TRAP1: variants seen among roughly 807,000 people sequenced by gnomAD.
The protein encoded by TRAP1 is TNF receptor associated protein 1, also known as heat shock protein 75 kDa, mitochondrial.
A neutral mutation model predicts 89.1 loss-of-function variants in TRAP1; 102 were observed. The observed-to-expected ratio is 1.15, with a 90% CI of 0.98 to 1.35. TRAP1 has a LOEUF of 1.35. TRAP1 is among the 40% of genes most tolerant of loss of function. TRAP1 has a pLI of 0.00. For synonymous variants in TRAP1, 508 were observed against 388.0 expected (o/e 1.31, Z -3.64); for missense variants, 1,256 against 945.3 (o/e 1.33, Z -4.31).
chr16:3,669,620 G>T (rs2050883593), intron 11 of TRAP1, among the ~76,000 whole-genome samples: 1 of 151,898 alleles, frequency 6.6e-6, no homozygotes, highest in African/African-American at 2.4e-5. Flanking sequence ...AGATCACAAG[G>T]TCAGGAGATC....
chr16:3,674,742 AG>A (rs34009886), intron 8 of TRAP1: 1 of 545,934 alleles, frequency 1.8e-6, no homozygotes, highest in Non-Finnish European at 3.3e-6. Context: ...CCGGGACCTG[AG>A]GGGGCCTGTG....
At chr16:3,662,244 C>T in intron 15 of TRAP1, 112 bp from the exon 16 acceptor site, 1 of 1,325,590 alleles carries the variant, frequency 7.5e-7, no homozygotes, top group Non-Finnish European at 1.0e-6. Flanking sequence ...GGCGGGGTCT[C>T]AAGGACTCCC....
At chr16:3,678,795 T>C (rs184431332) in intron 5 of TRAP1, among the ~76,000 whole-genome samples, 1 of 152,312 alleles carries the variant, frequency 6.6e-6, no homozygotes, top group African/African-American at 2.4e-5. Context: ...GAGACTGAAG[T>C]AAGTGCTTTG....
At chr16:3,679,238 C>T (rs1204451411) in intron 5 of TRAP1, among the ~76,000 whole-genome samples, 1 of 151,852 alleles carries the variant, frequency 6.6e-6, no homozygotes, top group Non-Finnish European at 1.5e-5. Flanking sequence ...TGCAGTGAGC[C>T]AATACAGTTG....
At position 3,658,859 on chromosome 16, in the gene TRAP1, C is replaced by A. The variant is rs778200463; in HGVS notation, c.1947G>T (p.Ala649=). The part of the protein sequence containing the change: ...QPTLEINPRH[A]LIKKLNQLRA... ...GCAGCTGATTCAGCTTCTTGATGAG[C>A]GCGTGCCTGCAACACAGAACCCACC... Residue 649 remains alanine, a synonymous_variant, in exon 17 of 18, where the codon GCG becomes GCT. Transcript: ENST00000246957. 1 of 1,613,984 alleles carries A rather than the reference C, an allele frequency of 6.2e-7. No individual in the cohort carries two copies. The highest frequency in any genetic ancestry group is 1.1e-5 in the South Asian group (1 of 91,082).
chr16:3,713,990 T>G (rs945113016), intron 1 of TRAP1, among the ~76,000 whole-genome samples: 15 of 152,228 alleles, frequency 9.9e-5, no homozygotes, highest in African/African-American at 3.4e-4. Context: ...CCATCACTCC[T>G]GCACACTCCC....
At chr16:3,677,897 T>C in intron 5 of TRAP1, 1 of 499,196 alleles carries the variant, frequency 2.0e-6, no homozygotes, top group Non-Finnish European at 3.6e-6. Context: ...TTCCCAAAGC[T>C]CACAGTCCTG....
intron 15 of TRAP1, chr16:3,662,398 C>T (rs71388533): frequency 3.5e-6 from 2 of 576,956 alleles, no homozygotes; most frequent in South Asian, 4.1e-5. Flanking sequence ...CCATCGTCCT[C>T]TGCTCCATGC....
intron 1 of TRAP1, among the ~76,000 whole-genome samples, chr16:3,703,802 T>C (rs1596749102): frequency 6.7e-6 from 1 of 148,718 alleles, no homozygotes; most frequent in Non-Finnish European, 1.5e-5. Context: ...GATCACGAGG[T>C]CAGGAGATCA....
At chr16:3,685,582 C>A (rs1191965404) in intron 4 of TRAP1, among the ~76,000 whole-genome samples, 1 of 152,168 alleles carries the variant, frequency 6.6e-6, no homozygotes, top group East Asian at 1.9e-4. Context: ...TTTGGCCTAA[C>A]TTTTCAGCCT....
At position 3,713,773 on chromosome 16, in the gene TRAP1, A is replaced by G. The variant is rs116808998; in HGVS notation, c.88+3648T>C. Among the ~76,000 whole-genome samples, 1,067 of 152,282 alleles carry G rather than the reference A, an allele frequency of 7.0e-3. 14 individuals are homozygous for G. The highest frequency in any genetic ancestry group is 0.025 in the African/African-American group (1,032 of 41,548). On this transcript the variant is annotated intron_variant, in intron 1 of 17. Coordinates refer to ENST00000246957, the MANE Select transcript of TRAP1 (RefSeq NM_016292.3). ...TCTTTCCAGGTCTTCCCTCTCCTTTAGGAGGCGGCCTCATCCTTCTACTGG... is the reference window on the plus strand; with the variant it reads ...TCTTTCCAGGTCTTCCCTCTCCTTTGGGAGGCGGCCTCATCCTTCTACTGG...
At chr16:3,708,821 T>TC (rs1477958915) in intron 1 of TRAP1, among the ~76,000 whole-genome samples, 1 of 148,538 alleles carries the variant, frequency 6.7e-6, no homozygotes. Flanking sequence ...GTCTCAATTT[T>TC]TTTTTTTTTT....
intron 1 of TRAP1, among the ~76,000 whole-genome samples, chr16:3,705,942 C>T (rs1452747614): frequency 3.3e-5 from 5 of 151,118 alleles, no homozygotes; most frequent in Non-Finnish European, 5.9e-5. Context: ...ATCGGCCCAC[C>T]TCGGCCTCCC....
chr16:3,675,778 T>A (rs925780437), intron 7 of TRAP1, among the ~76,000 whole-genome samples: 1 of 152,160 alleles, frequency 6.6e-6, no homozygotes, highest in African/African-American at 2.4e-5. Context: ...CCAGGTGCAC[T>A]AAAGGCCAAG....
At chr16:3,666,152 C>T in intron 11 of TRAP1, 34 bp from the exon 12 acceptor site, 1 of 1,593,380 alleles carries the variant, frequency 6.3e-7, no homozygotes. Flanking sequence ...TACATACAAG[C>T]AGCCTCTATG....
At chr16:3,684,514 G>A (rs976721041) in intron 4 of TRAP1, among the ~76,000 whole-genome samples, 9 of 152,188 alleles carry the variant, frequency 5.9e-5, no homozygotes, top group African/African-American at 1.9e-4. Context: ...TAAATGGGCT[G>A]GGTATGGTGG....
intron 1 of TRAP1, among the ~76,000 whole-genome samples, chr16:3,701,906 T>C (rs1363034764): frequency 6.6e-6 from 1 of 152,074 alleles, no homozygotes; most frequent in East Asian, 1.9e-4. Flanking sequence ...AAAACAGATA[T>C]TAAATTATTA....
At position 3,675,238 on chromosome 16, in the gene TRAP1, C is replaced by T. The variant is rs1156444244; in HGVS notation, c.888+86G>A. ...TCGCCCTGTGACTCTGGGCCGCATC[C>T]CCTGGGCTCATCTCTTCTCCGCTGC... On this transcript the variant is annotated intron_variant, in intron 8 of 17. Transcript: ENST00000246957. 8.1e-6 allele frequency: 11 copies of T among 1,362,828 alleles called. No homozygotes were observed. In the South Asian group the frequency reaches 9.7e-5, roughly 12 times the overall value. The allele number at this position is 1,362,828 out of a possible 1,614,324, so 84.4% of individuals were successfully genotyped here.
At chr16:3,717,217 G>A (rs2051609233) in intron 1 of TRAP1, among the ~76,000 whole-genome samples, 1 of 152,246 alleles carries the variant, frequency 6.6e-6, no homozygotes, top group Non-Finnish European at 1.5e-5. Flanking sequence ...CGGGTGGCGA[G>A]GGGAGTCCAG....
Sources: allele counts gnomAD v4.1 joint callset (sites outside exome capture counted in the v4.1 genomes callset), GRCh38; gene constraint gnomAD v4.1.1; transcripts MANE v1.5; gene names NCBI Gene and HGNC (gene_info 2026-07-23, HGNC 2026-07-21).